NELL1: variants seen among roughly 807,000 people sequenced by gnomAD.
NELL1 encodes the protein protein kinase C-binding protein NELL1.
In NELL1, 76 loss-of-function variants were observed where a neutral mutation model predicts 107.4. The observed-to-expected ratio is 0.71, with a 90% CI of 0.59 to 0.86. NELL1 has a LOEUF of 0.86. NELL1 is among the 40% of genes least tolerant of loss of function. NELL1 has a pLI of 0.00. For missense variants in NELL1, 1,024 were observed against 1,005.5 expected, an observed-to-expected ratio of 1.02 and a Z score of -0.25; for synonymous variants, 353 against 341.2, an observed-to-expected ratio of 1.03 and a Z score of -0.38.
At chr11:21,408,416 A>G (rs1268284722) in intron 15 of NELL1, among the ~76,000 whole-genome samples, 1 of 152,036 alleles carries the variant, frequency 6.6e-6, no homozygotes, top group African/African-American at 2.4e-5. Flanking sequence ...GCTTCAGACT[A>G]CAAAGAAAAG....
intron 3 of NELL1, among the ~76,000 whole-genome samples, chr11:20,833,724 G>C (rs185691680): frequency 9.9e-5 from 15 of 152,232 alleles, no homozygotes; most frequent in Admixed American, 6.5e-4. Flanking sequence ...GGACTTCCTG[G>C]GGAGGTGACA....
chr11:21,234,401 T>C (rs1858146459), intron 14 of NELL1, among the ~76,000 whole-genome samples: 1 of 152,184 alleles, frequency 6.6e-6, no homozygotes, highest in African/African-American at 2.4e-5. Context: ...ATCTTGCCAC[T>C]TGGTATATTC....
intron 12 of NELL1, among the ~76,000 whole-genome samples, chr11:21,091,050 C>T (rs960261856): frequency 6.6e-6 from 1 of 152,194 alleles, no homozygotes; most frequent in South Asian, 2.1e-4. Flanking sequence ...TACACATTTT[C>T]TGGCACATAA....
chr11:21,215,681 G>T (rs1857598324), intron 13 of NELL1, among the ~76,000 whole-genome samples: 1 of 152,168 alleles, frequency 6.6e-6, no homozygotes, highest in South Asian at 2.1e-4. Context: ...TAATGCTTCA[G>T]CAAAGAGACT....
intron 15 of NELL1, among the ~76,000 whole-genome samples, chr11:21,433,944 A>G (rs1945418): frequency 0.46 from 69,626 of 151,928 alleles, 19,203 homozygotes; most frequent in African/African-American, 0.75. Context: ...CAAAGTGCTG[A>G]GATTACAGTT....
intron 16 of NELL1, among the ~76,000 whole-genome samples, chr11:21,543,186 A>G (rs1224332227): frequency 2.0e-5 from 3 of 152,200 alleles, no homozygotes; most frequent in South Asian, 2.1e-4. Flanking sequence ...GTTAAATAGC[A>G]TGCCACCTTT....
At chr11:21,202,790 C>T (rs1857299616) in intron 13 of NELL1, among the ~76,000 whole-genome samples, 1 of 152,162 alleles carries the variant, frequency 6.6e-6, no homozygotes, top group African/African-American at 2.4e-5. Context: ...CTAAACACTG[C>T]TTTAGCTGTG....
intron 4 of NELL1, among the ~76,000 whole-genome samples, chr11:20,882,865 A>G (rs765647633): frequency 2.8e-4 from 42 of 151,920 alleles, no homozygotes; most frequent in Non-Finnish European, 4.4e-4. Flanking sequence ...TTAATCTCCA[A>G]CTGTTGTTCA....
chr11:20,895,525 A>G (rs1230237816), intron 5 of NELL1, among the ~76,000 whole-genome samples: 9 of 23,702 alleles, frequency 3.8e-4, no homozygotes, highest in Non-Finnish European at 1.8e-3. Context: ...TTTTTTTTTG[A>G]GACGGAGTCT....
intron 12 of NELL1, among the ~76,000 whole-genome samples, chr11:21,069,320 A>G (rs913041893): frequency 6.6e-6 from 1 of 152,192 alleles, no homozygotes; most frequent in African/African-American, 2.4e-5. Flanking sequence ...GAAAACAGAC[A>G]TGTTTGTTCT....
At chr11:20,765,607 G>A (rs1393242708) in intron 2 of NELL1, among the ~76,000 whole-genome samples, 1 of 152,122 alleles carries the variant, frequency 6.6e-6, no homozygotes, top group Non-Finnish European at 1.5e-5. Flanking sequence ...TGTGTTTCAG[G>A]CAAAATAATG....
At chr11:21,489,402 A>C (rs957393201) in intron 15 of NELL1, among the ~76,000 whole-genome samples, 5 of 146,028 alleles carry the variant, frequency 3.4e-5, no homozygotes, top group South Asian at 2.1e-4. Context: ...AAAAAAAAAA[A>C]AAAAAACAGA....
At chr11:21,227,142 T>C (rs1857915004) in intron 13 of NELL1, among the ~76,000 whole-genome samples, 1 of 152,192 alleles carries the variant, frequency 6.6e-6, no homozygotes, top group African/African-American at 2.4e-5. Flanking sequence ...TGAAAGATTA[T>C]TTAAAATATT....
chr11:21,556,760 A>G (rs1438678541), intron 16 of NELL1, among the ~76,000 whole-genome samples: 2 of 152,006 alleles, frequency 1.3e-5, no homozygotes, highest in African/African-American at 4.8e-5. Flanking sequence ...TTATTGAAAA[A>G]ATATTTCATT....
intron 2 of NELL1, among the ~76,000 whole-genome samples, chr11:20,762,425 G>A (rs1327749567): frequency 6.6e-6 from 1 of 152,216 alleles, no homozygotes; most frequent in Non-Finnish European, 1.5e-5. Context: ...TTATTCATGA[G>A]TTGTGGTGTG....
intron 2 of NELL1, among the ~76,000 whole-genome samples, chr11:20,731,159 G>T (rs960478390): frequency 3.3e-5 from 5 of 152,160 alleles, no homozygotes; most frequent in Admixed American, 6.6e-5. Context: ...TTCACCTTGA[G>T]AAACACAGTT....
intron 16 of NELL1, 27 bp from the exon 17 acceptor site, chr11:21,560,162 T>C (rs1856814719): frequency 4.3e-6 from 7 of 1,609,544 alleles, no homozygotes; most frequent in South Asian, 1.1e-5. Flanking sequence ...GGCTAGATTC[T>C]AAGCTTCTGT....
chr11:21,033,479 CAT>C (rs1393539051), intron 12 of NELL1, among the ~76,000 whole-genome samples: 1 of 152,066 alleles, frequency 6.6e-6, no homozygotes, highest in African/African-American at 2.4e-5. Flanking sequence ...TAAATGAAAA[CAT>C]GTGGTATTTG....
At chr11:20,760,185 T>G (rs769130244) in intron 2 of NELL1, among the ~76,000 whole-genome samples, 1 of 152,246 alleles carries the variant, frequency 6.6e-6, no homozygotes, top group Non-Finnish European at 1.5e-5. Context: ...CTGGCCACCA[T>G]GCCCTCTTAG....
Sources: gnomAD v4.1 joint callset for allele counts (sites outside exome capture counted in the v4.1 genomes callset) on GRCh38, gnomAD v4.1.1 for gene constraint, MANE v1.5 for transcripts, NCBI Gene and HGNC (gene_info 2026-07-23, HGNC 2026-07-21) for gene names.